GGACT: variants seen among roughly 807,000 people sequenced by gnomAD.
GGACT encodes gamma-glutamylamine cyclotransferase, also known as gamma-glutamylaminecyclotransferase.
For missense variants in GGACT, 241 were observed against 233.2 expected, an observed-to-expected ratio of 1.03 and a Z score of -0.22; for synonymous variants, 118 against 115.3, an observed-to-expected ratio of 1.02 and a Z score of -0.15.
intron 2 of GGACT, among the ~76,000 whole-genome samples, chr13:100,569,314 A>T (rs1168978048): frequency 6.6e-6 from 1 of 152,252 alleles, no homozygotes; most frequent in Non-Finnish European, 1.5e-5. Flanking sequence ...GCCTCTGTAC[A>T]TCCTCTGAAA....
intron 2 of GGACT, among the ~76,000 whole-genome samples, chr13:100,567,642 C>T (rs1285827227): frequency 6.6e-6 from 1 of 152,246 alleles, no homozygotes; most frequent in Non-Finnish European, 1.5e-5. Flanking sequence ...CCTGTATCCA[C>T]ATATAAACAT....
At chr13:100,541,467 T>C (rs948220167) in intron 2 of GGACT, among the ~76,000 whole-genome samples, 1 of 152,202 alleles carries the variant, frequency 6.6e-6, no homozygotes, top group Non-Finnish European at 1.5e-5. Context: ...ACCTGATGAA[T>C]GTGAATTCCC....
intron 2 of GGACT, chr13:100,536,590 A>G (rs1335984244): frequency 6.7e-6 from 1 of 149,116 alleles, no homozygotes; most frequent in Non-Finnish European, 1.5e-5. Context: ...CATTGCCTCC[A>G]TTTCTCCTAA....
intron 2 of GGACT, among the ~76,000 whole-genome samples, chr13:100,551,022 T>C (rs1356624323): frequency 2.6e-5 from 4 of 152,156 alleles, no homozygotes; most frequent in African/African-American, 2.4e-5. Context: ...CGGTGGCTCA[T>C]GCCTGTAATT....
chr13:100,535,346 GCTA>G (rs2088476588), intron 2 of GGACT, among the ~76,000 whole-genome samples: 1 of 152,232 alleles, frequency 6.6e-6, no homozygotes, highest in Admixed American at 6.5e-5. Context: ...TACTTACGCT[GCTA>G]CTTCTTGATG....
intron 2 of GGACT, chr13:100,540,214 T>A (rs2088540110): frequency 7.0e-7 from 1 of 1,430,988 alleles, no homozygotes; most frequent in Non-Finnish European, 9.7e-7. Context: ...GCGGCCCTTT[T>A]TGGCACGACC....
rs538197335 is a variant in GGACT, at chr13:100,540,225, A to G, written c.-10-7624T>C. The stretch of plus-strand genomic sequence containing the variant: ...GGCCGCGGCCCTTTTTGGCACGACC[A>G]TTGTTCCTTCTTTTCTTTGTCATCT... On this transcript the variant is annotated intron_variant, in intron 2 of 2. Coordinates refer to ENST00000683975, the MANE Select transcript of GGACT (RefSeq NM_001195087.2). The G allele has an allele frequency of 6.5e-5, 91 of 1,402,424 alleles. 2 individuals carry two copies. The South Asian group carries it at 9.2e-4, about 14-fold the overall frequency. 86.9% of individuals were successfully genotyped at this position (1,402,424 alleles called of 1,614,324 possible).
chr13:100,560,303 T>C (rs1217109722), intron 2 of GGACT, among the ~76,000 whole-genome samples: 1 of 152,254 alleles, frequency 6.6e-6, no homozygotes, highest in African/African-American at 2.4e-5. Flanking sequence ...GAGAAGCCCT[T>C]CCTCAACAGC....
At chr13:100,556,662 G>A (rs1329761465) in intron 2 of GGACT, among the ~76,000 whole-genome samples, 1 of 151,930 alleles carries the variant, frequency 6.6e-6, no homozygotes, top group African/African-American at 2.4e-5. Flanking sequence ...GAGTGTAACT[G>A]GATTGTTTAT....
chr13:100,587,509 T>A (rs568542647), intron 1 of GGACT, among the ~76,000 whole-genome samples: 48 of 152,334 alleles, frequency 3.2e-4, no homozygotes, highest in African/African-American at 1.1e-3. Flanking sequence ...GGGAATAGTT[T>A]CAGGAAAACA....
chr13:100,574,391 C>A (rs1179308459), intron 2 of GGACT, among the ~76,000 whole-genome samples: 2 of 152,134 alleles, frequency 1.3e-5, no homozygotes, highest in Non-Finnish European at 2.9e-5. Flanking sequence ...GCCTGGACAA[C>A]ATGGCAAAAC....
chr13:100,575,836 A>T (rs527303916), intron 2 of GGACT, among the ~76,000 whole-genome samples: 1 of 152,352 alleles, frequency 6.6e-6, no homozygotes, highest in East Asian at 1.9e-4. Context: ...CTCTGCTGAC[A>T]TCCAGTTTGT....
At chr13:100,558,178 A>G (rs541818877) in intron 2 of GGACT, among the ~76,000 whole-genome samples, 1 of 110,620 alleles carries the variant, frequency 9.0e-6, no homozygotes, top group Non-Finnish European at 1.8e-5. Flanking sequence ...GAAAAACTCC[A>G]TCTCAAAAAA....
At chr13:100,532,680 CAG>C (rs2088430997) in intron 2 of GGACT, 79 bp from the exon 3 acceptor site, 1 of 1,177,572 alleles carries the variant, frequency 8.5e-7, no homozygotes, top group Non-Finnish European at 1.2e-6. Flanking sequence ...TCCCGGCCCA[CAG>C]AGCCTCCACT....
chr13:100,539,847 A>G (rs894999467), intron 2 of GGACT: 4 of 463,992 alleles, frequency 8.6e-6, no homozygotes, highest in African/African-American at 6.1e-5. Context: ...TACAATTTCC[A>G]TTTTATTTTT....
chr13:100,588,258 G>C (rs779762409), intron 1 of GGACT, among the ~76,000 whole-genome samples: 2 of 152,194 alleles, frequency 1.3e-5, no homozygotes, highest in Non-Finnish European at 2.9e-5. Flanking sequence ...AGAAACCTTA[G>C]ATCAGAAATT....
intron 2 of GGACT, among the ~76,000 whole-genome samples, chr13:100,544,495 G>A (rs529794919): frequency 6.6e-6 from 1 of 152,338 alleles, no homozygotes; most frequent in Admixed American, 6.5e-5. Flanking sequence ...GCATACCCCG[G>A]AAAAGTCCCT....
intron 2 of GGACT, among the ~76,000 whole-genome samples, chr13:100,582,615 G>A (rs1036460497): frequency 6.6e-6 from 1 of 152,180 alleles, no homozygotes; most frequent in Non-Finnish European, 1.5e-5. Context: ...GGTCAGAGAA[G>A]GGTAATATTG....
intron 2 of GGACT, among the ~76,000 whole-genome samples, chr13:100,567,503 C>G (rs556118610): frequency 6.6e-6 from 1 of 152,342 alleles, no homozygotes; most frequent in East Asian, 1.9e-4. Flanking sequence ...CCAGCCCTGG[C>G]ATCAGCCCTC....
Sources: gnomAD v4.1 joint callset for allele counts (sites outside exome capture counted in the v4.1 genomes callset) on GRCh38, gnomAD v4.1.1 for gene constraint, MANE v1.5 for transcripts, NCBI Gene and HGNC (gene_info 2026-07-23, HGNC 2026-07-21) for gene names.